CUL4A: variants seen among roughly 807,000 people sequenced by gnomAD.
CUL4A encodes cullin-4A.
CUL4A carries 16 observed loss-of-function variants against 95.5 expected under a neutral mutation model. That is an observed-to-expected ratio of 0.17 (90% CI 0.11 to 0.25). The LOEUF (loss-of-function observed/expected upper bound fraction) is 0.25. CUL4A is among the 10% of genes least tolerant of loss of function. The pLI is 1.00. For missense variants in CUL4A, 610 were observed against 937.0 expected (o/e 0.65, Z 4.56); for synonymous variants, 380 against 353.1 (o/e 1.08, Z -0.85).
chr13:113,235,919 C>T (rs1210853381), intron 8 of CUL4A, among the ~76,000 whole-genome samples: 3 of 149,330 alleles, frequency 2.0e-5, no homozygotes, highest in Middle Eastern at 3.3e-3. Flanking sequence ...TGCAGTGAGC[C>T]GAGATCACGC....
At chr13:113,218,356 A>G (rs1051651402) in intron 2 of CUL4A, among the ~76,000 whole-genome samples, 30 of 152,344 alleles carry the variant, frequency 2.0e-4, no homozygotes, top group African/African-American at 6.7e-4. Context: ...ATAGGAAACA[A>G]TACAGTCTGG....
rs149456674 is a variant in CUL4A at position 113,242,197 on chromosome 13, G to A, written c.1036-771G>A. On this transcript the variant is annotated intron_variant, in intron 10 of 19. Coordinates refer to ENST00000375440, the MANE Select transcript of CUL4A (RefSeq NM_001008895.4). ...CTGTAGTCCCAGCTACATGGGAGGC[G>A]GAGGTTGCAGTGAGCCGAGATCACG... 4.5e-3 allele frequency among the ~76,000 whole-genome samples: 689 copies of A among 151,950 alleles called. 2 individuals are homozygous for A. Among genetic ancestry groups the A allele is most frequent in the Middle Eastern group, 0.014 (4 of 294 alleles).
chr13:113,209,184 G>C (rs2040220680), upstream of CUL4A, among the ~76,000 whole-genome samples: 1 of 149,330 alleles, frequency 6.7e-6, no homozygotes, highest in Non-Finnish European at 1.5e-5. Flanking sequence ...GGGTGGGGGT[G>C]CCGAGCCCTC....
chr13:113,248,366 A>T (rs1015629743), intron 15 of CUL4A, among the ~76,000 whole-genome samples: 1 of 152,148 alleles, frequency 6.6e-6, no homozygotes. Context: ...TTATGAACTC[A>T]GGGATTCTTA....
intron 18 of CUL4A, among the ~76,000 whole-genome samples, chr13:113,256,913 CTT>C (rs35242947): frequency 7.7e-5 from 6 of 77,886 alleles, no homozygotes; most frequent in South Asian, 8.0e-4. Flanking sequence ...TGCTTTGTCC[CTT>C]TTTTTTTTTC....
intron 3 of CUL4A, among the ~76,000 whole-genome samples, chr13:113,225,976 A>G (rs972483093): frequency 5.3e-5 from 8 of 152,324 alleles, no homozygotes; most frequent in African/African-American, 1.9e-4. Context: ...TCAAGAAAAA[A>G]TAGAGTAAGC....
At chr13:113,217,109 A>G (rs770864681) in intron 2 of CUL4A, among the ~76,000 whole-genome samples, 1 of 152,248 alleles carries the variant, frequency 6.6e-6, no homozygotes, top group Non-Finnish European at 1.5e-5. Context: ...TAAAACATCC[A>G]GAAAATGGTC....
chr13:113,210,441 G>A (rs1237212598), intron 2 of CUL4A, among the ~76,000 whole-genome samples: 1 of 152,160 alleles, frequency 6.6e-6, no homozygotes, highest in Non-Finnish European at 1.5e-5. Flanking sequence ...ACAGTAATAA[G>A]AGGGTCTTTT....
At chr13:113,209,850 A>G (rs1371877152) in intron 1 of CUL4A, 75 bp downstream of exon 1, 19 of 1,035,118 alleles carry the variant, frequency 1.8e-5, no homozygotes, top group Admixed American at 1.1e-4. Context: ...ACTTGGGGGG[A>G]AGGCCCCGAG....
upstream of CUL4A, chr13:113,208,227 T>A: frequency 6.6e-7 from 1 of 1,507,880 alleles, no homozygotes; most frequent in Non-Finnish European, 8.9e-7. Context: ...ACAGCGTCCA[T>A]CCGACACAGC....
chr13:113,214,408 A>G (rs2040568511), intron 2 of CUL4A, among the ~76,000 whole-genome samples: 1 of 152,214 alleles, frequency 6.6e-6, no homozygotes, highest in Admixed American at 6.5e-5. Context: ...AAATGAGACA[A>G]CAGAAAACTG....
At chr13:113,258,262 A>T (rs2042183722) in intron 18 of CUL4A, among the ~76,000 whole-genome samples, 1 of 152,156 alleles carries the variant, frequency 6.6e-6, no homozygotes, top group Admixed American at 6.5e-5. Context: ...AAGTGCTGGG[A>T]TTACAGCCGT....
At chr13:113,257,709 CAT>C (rs1231428421) in intron 18 of CUL4A, among the ~76,000 whole-genome samples, 1 of 152,092 alleles carries the variant, frequency 6.6e-6, no homozygotes, top group Non-Finnish European at 1.5e-5. Context: ...TGAGGGGACA[CAT>C]ATTCAAAACC....
chr13:113,229,608 G>C (rs2041236883), intron 5 of CUL4A, 89 bp downstream of exon 5: 2 of 1,078,768 alleles, frequency 1.9e-6, no homozygotes, highest in Non-Finnish European at 2.7e-6. Context: ...AGATGGTAAA[G>C]TGTGTGTGAT....
chr13:113,243,269 A>G lies in CUL4A; in HGVS notation c.1228+109A>G, dbSNP rs1206759681. On this transcript the variant is annotated intron_variant, in intron 11 of 19. Transcript: ENST00000375440. ...AAGGCAAAATCAACCAAAATGTTCA[A>G]GCTGCTCAAGGGGTGTGTGGAAAGC... 2.8e-5 allele frequency: 29 copies of G among 1,018,846 alleles called. No individual in the cohort carries two copies. In the South Asian group the frequency reaches 4.3e-4, roughly 15 times the overall value. The allele number at this position is 1,018,846 out of a possible 1,614,324, so 63.1% of individuals were successfully genotyped here.
Position 113,253,108 on chromosome 13 carries a change from G to A in CUL4A, c.1665G>A (p.Lys555=). 6.2e-7 allele frequency: 1 copy of A among 1,605,202 alleles called. No individual in the cohort carries two copies. Residue 555 remains lysine (K), a synonymous_variant, in exon 16 of 20, where the codon AAG becomes AAA. Transcript: ENST00000375440. ...TGATTAAACTTCAGGAAGTATTTAA[G>A]GCATTTTATCTTGGAAAGCACAGTG... The part of the protein sequence containing the change: ...PEMIKLQEVF[K]AFYLGKHSGR...
At chr13:113,215,572 CGTGGAGGTCTCTGCGTGACT>C (rs2040634294) in intron 2 of CUL4A, among the ~76,000 whole-genome samples, 1 of 123,710 alleles carries the variant, frequency 8.1e-6, no homozygotes, top group African/African-American at 3.1e-5. Context: ...CCCATGTGGC[CGTGGAGGTCTCTGCGTGACT>C]GTGGAGGTCA....
At chr13:113,220,217 A>G (rs924432922) in intron 3 of CUL4A, among the ~76,000 whole-genome samples, 4 of 152,224 alleles carry the variant, frequency 2.6e-5, no homozygotes, top group African/African-American at 9.6e-5. Context: ...AGCACGTGAC[A>G]GGGAAGCTGA....
intron 14 of CUL4A, 43 bp downstream of exon 14, chr13:113,245,280 C>A: frequency 6.4e-7 from 1 of 1,553,756 alleles, no homozygotes; most frequent in South Asian, 1.1e-5. Flanking sequence ...TAAAAAGTAT[C>A]TGTTAGTGTG....
Sources: allele counts gnomAD v4.1 joint callset (sites outside exome capture counted in the v4.1 genomes callset), GRCh38; gene constraint gnomAD v4.1.1; transcripts MANE v1.5; gene names NCBI Gene and HGNC (gene_info 2026-07-23, HGNC 2026-07-21).